Variants in CREM observed in about 807,000 individuals in gnomAD.
CREM encodes cAMP responsive element modulator.
A neutral mutation model predicts 37.3 loss-of-function variants in CREM; 13 were observed. The ratio of observed to expected loss-of-function variants is 0.35; its 90% CI spans 0.23 to 0.55. The LOEUF (loss-of-function observed/expected upper bound fraction) is 0.55, where lower values mean the gene tolerates loss of function less well. Among genes scored for constraint, CREM ranks in the 20% least tolerant of loss-of-function variants. The pLI is 0.88. For missense variants in CREM, 296 were observed against 362.3 expected (o/e 0.82, Z 1.49); for synonymous variants, 124 against 120.2 (o/e 1.03, Z -0.21).
chr10:35,175,743 G>A (rs372408025), intron 3 of CREM: 3 of 1,613,960 alleles, frequency 1.9e-6, no homozygotes, highest in Non-Finnish European at 2.5e-6. Flanking sequence ...CTCAGCAGCA[G>A]GAAAAAGAGA....
chr10:35,208,205 C>T (rs2095581289), intron 7 of CREM, among the ~76,000 whole-genome samples: 1 of 152,024 alleles, frequency 6.6e-6, no homozygotes, highest in African/African-American at 2.4e-5. Flanking sequence ...AGTGCAAATA[C>T]AAAATAACAA....
intron 6 of CREM, among the ~76,000 whole-genome samples, chr10:35,199,993 G>A (rs919395464): frequency 3.4e-5 from 5 of 148,376 alleles, no homozygotes; most frequent in South Asian, 2.2e-4. Flanking sequence ...AGGTTCAAGC[G>A]ATTCACCTGC....
At chr10:35,160,246 G>A (rs532376228) in intron 3 of CREM, among the ~76,000 whole-genome samples, 4 of 152,206 alleles carry the variant, frequency 2.6e-5, no homozygotes, top group African/African-American at 9.6e-5. Flanking sequence ...ACATAGGAAA[G>A]GTACAGTAAA....
intron 3 of CREM, among the ~76,000 whole-genome samples, chr10:35,174,475 G>A (rs2093961155): frequency 6.6e-6 from 1 of 152,216 alleles, no homozygotes; most frequent in Non-Finnish European, 1.5e-5. Context: ...CCAAGGGAAT[G>A]ATGATGTAAA....
intron 3 of CREM, among the ~76,000 whole-genome samples, chr10:35,150,473 A>G (rs999749637): frequency 1.3e-5 from 2 of 152,136 alleles, no homozygotes; most frequent in Non-Finnish European, 2.9e-5. Context: ...GTAATTTGCA[A>G]TTCTGAGGAC....
chr10:35,188,427 G>T (rs2094748489), intron 6 of CREM, 39 bp downstream of exon 6: 1 of 1,535,812 alleles, frequency 6.5e-7, no homozygotes, highest in Non-Finnish European at 8.8e-7. Flanking sequence ...AATACCTATG[G>T]ATTACTATAT....
chr10:35,211,853 A>G lies in CREM; in HGVS notation c.*455A>G. The G allele has an allele frequency of 6.6e-7, 1 of 1,514,214 alleles. No homozygotes were observed. The highest frequency in any genetic ancestry group is 2.3e-5 in the East Asian group (1 of 43,614). The allele number at this position is 1,514,214 out of a possible 1,614,324, so 93.8% of individuals were successfully genotyped here. On this transcript the variant is annotated 3_prime_UTR_variant, in exon 8 of 8. Coordinates refer to ENST00000685392, the MANE Select transcript of CREM (RefSeq NM_183011.2). ...CAGCATGTATAGTTGCTTTTGAAGG[A>G]ATACAATATATAGCTGGCAAGAATG...
intron 5 of CREM, among the ~76,000 whole-genome samples, chr10:35,185,104 TTC>T (rs1282949355): frequency 7.0e-6 from 1 of 141,992 alleles, no homozygotes. Flanking sequence ...GGCTTTGTAC[TTC>T]TTTTTTTTTT....
At chr10:35,153,371 C>T (rs917012985) in intron 3 of CREM, among the ~76,000 whole-genome samples, 1 of 152,190 alleles carries the variant, frequency 6.6e-6, no homozygotes, top group African/African-American at 2.4e-5. Context: ...CATTTTACTC[C>T]TACTTACTTC....
intron 7 of CREM, 122 bp from the exon 8 acceptor site, chr10:35,211,132 C>T (rs1472813808): frequency 1.0e-6 from 1 of 981,854 alleles, no homozygotes; most frequent in Non-Finnish European, 1.5e-6. Flanking sequence ...TGTTATGTGG[C>T]TTTGTACAGT....
intron 5 of CREM, among the ~76,000 whole-genome samples, chr10:35,184,470 A>AT (rs1174130016): frequency 6.6e-6 from 1 of 152,190 alleles, no homozygotes; most frequent in African/African-American, 2.4e-5. Flanking sequence ...TTATTGTCAG[A>AT]TGAGAGAGAA....
At chr10:35,172,812 A>G (rs2093887122) in intron 3 of CREM, among the ~76,000 whole-genome samples, 1 of 152,152 alleles carries the variant, frequency 6.6e-6, no homozygotes, top group African/African-American at 2.4e-5. Flanking sequence ...ACAGAACGTC[A>G]TTTTCTTCAA....
chr10:35,189,721 G>A (rs1048776144), intron 6 of CREM, among the ~76,000 whole-genome samples: 2 of 152,136 alleles, frequency 1.3e-5, no homozygotes, highest in African/African-American at 4.8e-5. Context: ...TCACCGTATT[G>A]CCCAGGCTGG....
At chr10:35,187,166 TATATTA>T (rs1253261297) in intron 5 of CREM, among the ~76,000 whole-genome samples, 32 of 42,994 alleles carry the variant, frequency 7.4e-4, no homozygotes, top group Non-Finnish European at 1.1e-3. Context: ...ATATATATTA[TATATTA>T]ATATTAATAT....
chr10:35,140,817 GA>G (rs1308805659), intron 2 of CREM, among the ~76,000 whole-genome samples: 4 of 152,184 alleles, frequency 2.6e-5, no homozygotes, highest in African/African-American at 9.6e-5. Context: ...AGGAAGAGGG[GA>G]GATTAGATGT....
At chr10:35,155,029 C>CTGTCACCT (rs2092811021) in intron 3 of CREM, among the ~76,000 whole-genome samples, 2 of 152,246 alleles carry the variant, frequency 1.3e-5, no homozygotes, top group Admixed American at 6.5e-5. Context: ...GGTGACAGTA[C>CTGTCACCT]TTTGCTTTAA....
chr10:35,175,393 C>T (rs2094007152), intron 3 of CREM, among the ~76,000 whole-genome samples: 1 of 152,088 alleles, frequency 6.6e-6, no homozygotes, highest in Non-Finnish European at 1.5e-5. Flanking sequence ...TTGCAGGGAG[C>T]CAAGATCACG....
intron 6 of CREM, among the ~76,000 whole-genome samples, chr10:35,189,170 G>GTTTTTTTTTTTTTTTTTTTTTTT (rs1370396660): frequency 7.1e-6 from 1 of 140,148 alleles, no homozygotes; most frequent in African/African-American, 2.5e-5. Flanking sequence ...CTGACTTTGG[G>GTTTTTTTTTTTTTTTTTTTTTTT]TTTTTTGTTT....
intron 3 of CREM, among the ~76,000 whole-genome samples, chr10:35,149,938 A>ACACACACACACACACACACACACACC (rs796295851): frequency 6.9e-6 from 1 of 145,436 alleles, no homozygotes; most frequent in Admixed American, 6.9e-5. Context: ...ACACACACAC[A>ACACACACACACACACACACACACACC]CCCTTGTTAA....
Sources: allele counts gnomAD v4.1 joint callset (sites outside exome capture counted in the v4.1 genomes callset), GRCh38; gene constraint gnomAD v4.1.1; transcripts MANE v1.5; gene names NCBI Gene and HGNC (gene_info 2026-07-23, HGNC 2026-07-21).